SLC35D1: variants seen among roughly 807,000 people sequenced by gnomAD.
The protein encoded by SLC35D1 is nucleotide sugar transporter SLC35D1.
A neutral mutation model predicts 46.7 loss-of-function variants in SLC35D1; 31 were observed. The observed-to-expected ratio is 0.66, with a 90% confidence interval of 0.50 to 0.90. The LOEUF (loss-of-function observed/expected upper bound fraction) is 0.90, where lower values mean the gene tolerates loss of function less well. Among genes scored for constraint, SLC35D1 ranks in the 40% least tolerant of loss-of-function variants. The pLI is 0.00. For missense variants in SLC35D1, 397 were observed against 426.2 expected (o/e 0.93, Z 0.60); for synonymous variants, 195 against 164.6 (o/e 1.18, Z -1.41).
chr1:67,045,145 C>T (rs1449777802), intron 7 of SLC35D1, among the ~76,000 whole-genome samples: 1 of 152,142 alleles, frequency 6.6e-6, no homozygotes, highest in African/African-American at 2.4e-5. Context: ...CACACAAATA[C>T]ACATCATCCA....
chr1:66,975,381 C>G, the SLC35D1 span, among the ~76,000 whole-genome samples: 1 of 151,792 alleles, frequency 6.6e-6, no homozygotes, highest in Non-Finnish European at 1.5e-5. Context: ...AGAAAAATTA[C>G]CTGAGTTTGG....
rs2102217721 is a variant in SLC35D1, at chr1:67,000,716, G to A, written c.*3624C>T. 1.3e-5 allele frequency: 2 copies of A among 152,144 alleles called. No homozygotes were observed. Among genetic ancestry groups the A allele is most frequent in the Admixed American group, 1.3e-4 (2 of 15,278 alleles). The allele number at this position is 152,144 out of a possible 1,614,324, so 9.4% of individuals were successfully genotyped here. On this transcript the variant is annotated 3_prime_UTR_variant, in exon 12 of 12. Transcript: ENST00000235345. ...ATTTATTCCGAACTTTTTTCCTCAGGGAGAGAAAAATCAATTACAGTCTTG... is the reference window on the plus strand; with the variant it reads ...ATTTATTCCGAACTTTTTTCCTCAGAGAGAGAAAAATCAATTACAGTCTTG...
downstream of SLC35D1, among the ~76,000 whole-genome samples, chr1:66,996,377 C>T (rs149234475): frequency 2.0e-5 from 3 of 152,302 alleles, no homozygotes; most frequent in East Asian, 1.9e-4. Flanking sequence ...AAGTATAGAG[C>T]GGTGATGAGT....
the SLC35D1 span, among the ~76,000 whole-genome samples, chr1:66,993,026 A>AT: frequency 1.3e-5 from 2 of 152,174 alleles, no homozygotes; most frequent in Non-Finnish European, 2.9e-5. Flanking sequence ...GATTTTACCT[A>AT]TTTTTCTAAG....
At chr1:66,983,349 T>A in the SLC35D1 span, among the ~76,000 whole-genome samples, 1 of 152,242 alleles carries the variant, frequency 6.6e-6, no homozygotes, top group Non-Finnish European at 1.5e-5. Context: ...CATTCATGAT[T>A]TGAGTGCATT....
chr1:67,007,635 C>G (rs17129592), intron 11 of SLC35D1, among the ~76,000 whole-genome samples: 29,025 of 152,114 alleles, frequency 0.19, 5,081 homozygotes, highest in African/African-American at 0.47. Context: ...CTGAAGAGAA[C>G]TGAATATTCA....
intron 8 of SLC35D1, among the ~76,000 whole-genome samples, chr1:67,027,380 C>A (rs749679968): frequency 2.4e-4 from 36 of 151,932 alleles, no homozygotes; most frequent in Non-Finnish European, 4.4e-4. Flanking sequence ...GATTTCTATT[C>A]TTATCTTACA....
intron 11 of SLC35D1, among the ~76,000 whole-genome samples, chr1:67,008,046 A>G (rs1180285655): frequency 6.6e-6 from 1 of 152,234 alleles, no homozygotes; most frequent in Non-Finnish European, 1.5e-5. Context: ...CATATTGAAA[A>G]TAAGGTACAG....
At chr1:67,050,653 A>C in intron 4 of SLC35D1, 149 bp from the exon 5 acceptor site, 1 of 692,118 alleles carries the variant, frequency 1.4e-6, no homozygotes, top group South Asian at 1.8e-5. Flanking sequence ...GCTTCTCTCT[A>C]GAAGCAATTC....
chr1:67,011,779 C>T (rs1361458570), intron 10 of SLC35D1, among the ~76,000 whole-genome samples: 1 of 152,106 alleles, frequency 6.6e-6, no homozygotes, highest in East Asian at 1.9e-4. Flanking sequence ...GCCACCACAC[C>T]CACCCATACA....
chr1:67,031,023 A>G (rs1024088696), intron 8 of SLC35D1, among the ~76,000 whole-genome samples: 4 of 152,176 alleles, frequency 2.6e-5, no homozygotes, highest in African/African-American at 4.8e-5. Context: ...CTAAGCCCCA[A>G]GGCTGTCTAC....
intron 8 of SLC35D1, among the ~76,000 whole-genome samples, chr1:67,030,064 G>A (rs1667987573): frequency 6.6e-6 from 1 of 150,874 alleles, no homozygotes; most frequent in South Asian, 2.1e-4. Flanking sequence ...CCATCAATTA[G>A]GCAATGGAAA....
chr1:67,028,158 A>T (rs1378667720), intron 8 of SLC35D1, among the ~76,000 whole-genome samples: 1 of 152,204 alleles, frequency 6.6e-6, no homozygotes, highest in Admixed American at 6.5e-5. Context: ...AAATATCTTT[A>T]TGCCATTAAT....
intron 7 of SLC35D1, among the ~76,000 whole-genome samples, chr1:67,044,601 G>A (rs1020449521): frequency 6.6e-5 from 10 of 152,160 alleles, no homozygotes; most frequent in African/African-American, 2.2e-4. Flanking sequence ...CTTCTCACTC[G>A]ATGATAGTAT....
intron 6 of SLC35D1, among the ~76,000 whole-genome samples, chr1:67,047,738 G>A (rs1366906079): frequency 1.3e-5 from 2 of 152,170 alleles, no homozygotes; most frequent in Non-Finnish European, 2.9e-5. Context: ...CCAAAAGGAT[G>A]AGGCCATTAA....
rs760309932 is a variant in SLC35D1, at chr1:67,053,009, A to G, written c.204-20T>C. On this transcript the variant is annotated intron_variant, in intron 1 of 11. Coordinates refer to ENST00000235345, the MANE Select transcript of SLC35D1 (RefSeq NM_015139.3). ...GGAAATCTACAAAAAGGGCAAAGAA[A>G]AAAACAAGATCAGAACAAACCTAAC... 4 of 1,613,724 alleles carry G rather than the reference A, an allele frequency of 2.5e-6. No individual in the cohort carries two copies. Among genetic ancestry groups the G allele is most frequent in the African/African-American group, 2.7e-5 (2 of 74,934 alleles).
chr1:67,007,050 G>A (rs1041463196), intron 11 of SLC35D1, among the ~76,000 whole-genome samples: 2 of 152,076 alleles, frequency 1.3e-5, no homozygotes, highest in African/African-American at 4.8e-5. Context: ...GAGATTACAC[G>A]GATAATCTTC....
chr1:66,982,030 A>G, the SLC35D1 span: 1 of 1,055,020 alleles, frequency 9.5e-7, no homozygotes, highest in Non-Finnish European at 1.4e-6. Context: ...GAAAGTAAAA[A>G]ATGATAACAC....
chr1:67,014,764 C>G lies in SLC35D1; in HGVS notation c.877-5597G>C, dbSNP rs1467128333. Among the ~76,000 whole-genome samples the G allele has an allele frequency of 5.6e-5, 7 of 125,758 alleles. No individual in the cohort carries two copies. In the Admixed American group the frequency reaches 6.3e-4, roughly 11 times the overall value. 82.5% of individuals were successfully genotyped at this position (125,758 alleles called of 152,430 possible). A position where few individuals can be genotyped will look rare whatever the true frequency, so the allele number is the denominator to read the frequency against. On this transcript the variant is annotated intron_variant, in intron 10 of 11. Coordinates refer to ENST00000235345, the MANE Select transcript of SLC35D1 (RefSeq NM_015139.3). ...TTGTAAGGTCACAGAACTGTTACTT[C>G]TATAATATTTTTAATGCTTACTTAA...
Sources: gnomAD v4.1 joint callset for allele counts (sites outside exome capture counted in the v4.1 genomes callset) on GRCh38, gnomAD v4.1.1 for gene constraint, MANE v1.5 for transcripts, NCBI Gene and HGNC (gene_info 2026-07-23, HGNC 2026-07-21) for gene names.